KCNH7: variants seen among roughly 807,000 people sequenced by gnomAD.
KCNH7 encodes the protein potassium voltage-gated channel subfamily H member 7.
KCNH7 carries 49 observed loss-of-function variants against 120.8 expected under a neutral mutation model. The ratio of observed to expected loss-of-function variants is 0.41; its 90% CI spans 0.32 to 0.51. KCNH7 has a LOEUF of 0.51. KCNH7 is among the 20% of genes least tolerant of loss of function. The pLI is 0.38. For synonymous variants in KCNH7, 547 were observed against 516.1 expected (o/e 1.06, Z -0.81); for missense variants, 1,097 against 1,446.6 (o/e 0.76, Z 3.92).
intron 2 of KCNH7, among the ~76,000 whole-genome samples, chr2:162,706,945 T>C (rs1686725627): frequency 6.6e-6 from 1 of 152,164 alleles, no homozygotes; most frequent in Admixed American, 6.6e-5. Context: ...GCTTTCTATT[T>C]CTGAAAGCCA....
intron 2 of KCNH7, among the ~76,000 whole-genome samples, chr2:162,626,012 C>G (rs914633008): frequency 2.0e-5 from 3 of 152,056 alleles, no homozygotes; most frequent in Non-Finnish European, 4.4e-5. Context: ...TTAGGGGCAG[C>G]TAGTTAAATT....
At chr2:162,619,242 T>A (rs779325160) in intron 2 of KCNH7, among the ~76,000 whole-genome samples, 2 of 151,756 alleles carry the variant, frequency 1.3e-5, no homozygotes, top group Non-Finnish European at 2.9e-5. Flanking sequence ...TTAAGATGTG[T>A]CCCCCAAAAT....
Position 162,639,054 on chromosome 2 carries a change from C to T in KCNH7, c.308-101974G>A, listed in dbSNP as rs182211822. Among the ~76,000 whole-genome samples the T allele has an allele frequency of 3.0e-3, 463 of 152,174 alleles. 1 individual carries two copies. The highest frequency in any genetic ancestry group is 0.011 in the African/African-American group (441 of 41,522). On this transcript the variant is annotated intron_variant, in intron 2 of 15. Coordinates refer to ENST00000332142, the MANE Select transcript of KCNH7 (RefSeq NM_033272.4). Reference sequence around the variant, plus strand: ...GCCTCTGCCTATTAGATACTAATAGCACACTTCCCCCTACCACCAGCCGTG... The same window carrying T: ...GCCTCTGCCTATTAGATACTAATAGTACACTTCCCCCTACCACCAGCCGTG...
chr2:162,821,913 T>G (rs1685132718), intron 2 of KCNH7, among the ~76,000 whole-genome samples: 1 of 151,878 alleles, frequency 6.6e-6, no homozygotes, highest in Admixed American at 6.6e-5. Context: ...CAGTGGTTTC[T>G]GAAACACCAT....
At chr2:162,714,924 C>G (rs755920938) in intron 2 of KCNH7, among the ~76,000 whole-genome samples, 3 of 152,078 alleles carry the variant, frequency 2.0e-5, no homozygotes, top group Non-Finnish European at 4.4e-5. Flanking sequence ...CTTTGCTGAC[C>G]TCTGTCCTAA....
intron 2 of KCNH7, among the ~76,000 whole-genome samples, chr2:162,616,419 C>G (rs570152918): frequency 6.6e-6 from 1 of 152,154 alleles, no homozygotes; most frequent in East Asian, 1.9e-4. Flanking sequence ...GAGAAGTAAA[C>G]TGAACTTTAG....
intron 8 of KCNH7, among the ~76,000 whole-genome samples, chr2:162,424,768 A>G (rs530804713): frequency 6.6e-6 from 1 of 152,284 alleles, no homozygotes; most frequent in Admixed American, 6.5e-5. Flanking sequence ...GGTTATCAAG[A>G]TCCTTATGTA....
At chr2:162,397,574 T>TA (rs1686951699) in intron 10 of KCNH7, among the ~76,000 whole-genome samples, 1 of 151,896 alleles carries the variant, frequency 6.6e-6, no homozygotes, top group South Asian at 2.1e-4. Context: ...TGCTCTTCTG[T>TA]AAAATCTAGG....
intron 2 of KCNH7, among the ~76,000 whole-genome samples, chr2:162,793,248 G>A (rs1251227569): frequency 6.6e-6 from 1 of 151,804 alleles, no homozygotes; most frequent in African/African-American, 2.4e-5. Context: ...CTAAATTATG[G>A]GAACACATGG....
At chr2:162,388,803 C>G (rs1018213136) in intron 12 of KCNH7, among the ~76,000 whole-genome samples, 8 of 151,884 alleles carry the variant, frequency 5.3e-5, no homozygotes, top group African/African-American at 1.9e-4. Context: ...ATCACTAAAC[C>G]AGTATTACAA....
chr2:162,506,253 A>G (rs1690880519), intron 5 of KCNH7, among the ~76,000 whole-genome samples: 1 of 151,866 alleles, frequency 6.6e-6, no homozygotes, highest in African/African-American at 2.4e-5. Flanking sequence ...AAGAGCCAAT[A>G]GTGGCAACAA....
intron 2 of KCNH7, among the ~76,000 whole-genome samples, chr2:162,659,415 C>T (rs1375596286): frequency 2.7e-5 from 4 of 150,928 alleles, no homozygotes; most frequent in Non-Finnish European, 4.4e-5. Context: ...AATCTTGGCT[C>T]ACTGCAACCT....
chr2:162,536,859 CT>C (rs1692125721), intron 3 of KCNH7, 65 bp downstream of exon 3: 1 of 1,294,932 alleles, frequency 7.7e-7, no homozygotes, highest in Admixed American at 2.0e-5. Flanking sequence ...GAAATGAAGA[CT>C]GTATTAAAGT....
At chr2:162,710,339 G>A (rs1335140590) in intron 2 of KCNH7, among the ~76,000 whole-genome samples, 1 of 152,128 alleles carries the variant, frequency 6.6e-6, no homozygotes, top group Admixed American at 6.6e-5. Context: ...AATTAGATAA[G>A]CTTATTTTTA....
intron 2 of KCNH7, among the ~76,000 whole-genome samples, chr2:162,544,452 T>C (rs1692411273): frequency 6.6e-6 from 1 of 152,106 alleles, no homozygotes; most frequent in Non-Finnish European, 1.5e-5. Flanking sequence ...AAAATGGCAA[T>C]AGTACCATTA....
chr2:162,822,048 A>G (rs931230297), intron 2 of KCNH7, among the ~76,000 whole-genome samples: 10 of 131,718 alleles, frequency 7.6e-5, no homozygotes, highest in African/African-American at 2.4e-4. Context: ...TTCAAAATTA[A>G]AAACAAATTA....
chr2:162,428,242 T>A (rs1036722291), intron 8 of KCNH7, among the ~76,000 whole-genome samples: 1 of 151,888 alleles, frequency 6.6e-6, no homozygotes, highest in African/African-American at 2.4e-5. Flanking sequence ...TTCCATGTGA[T>A]TTCTTCTTTG....
intron 2 of KCNH7, among the ~76,000 whole-genome samples, chr2:162,723,498 T>C (rs1687405187): frequency 6.6e-6 from 1 of 152,230 alleles, no homozygotes; most frequent in Non-Finnish European, 1.5e-5. Flanking sequence ...TCTTGGAATG[T>C]ACCACCCAAT....
At chr2:162,777,121 G>A (rs1683269682) in intron 2 of KCNH7, among the ~76,000 whole-genome samples, 1 of 152,058 alleles carries the variant, frequency 6.6e-6, no homozygotes, top group African/African-American at 2.4e-5. Context: ...GAATCCCTAG[G>A]ATTATTCTGC....
Sources: allele counts gnomAD v4.1 joint callset (sites outside exome capture counted in the v4.1 genomes callset), GRCh38; gene constraint gnomAD v4.1.1; transcripts MANE v1.5; gene names NCBI Gene and HGNC (gene_info 2026-07-23, HGNC 2026-07-21).